Variants in GRIP2 observed in about 807,000 individuals in gnomAD.
GRIP2 encodes glutamate receptor interacting protein 2.
In GRIP2, 58 loss-of-function variants were observed where a neutral mutation model predicts 108.3. The observed-to-expected ratio is 0.54, with a 90% CI of 0.43 to 0.67. The LOEUF is 0.67. GRIP2 is among the 30% of genes least tolerant of loss of function. The pLI, the probability that GRIP2 is intolerant of heterozygous loss-of-function variation, is 0.00. For missense variants in GRIP2, 1,278 were observed against 1,430.6 expected (o/e 0.89, Z 1.72); for synonymous variants, 586 against 598.2 (o/e 0.98, Z 0.30).
At chr3:14,571,816 T>C in the GRIP2 span, among the ~76,000 whole-genome samples, 6 of 152,120 alleles carry the variant, frequency 3.9e-5, no homozygotes, top group African/African-American at 7.2e-5. Context: ...CCAGGTGGTG[T>C]TGATACACAG....
At chr3:14,534,763 CCTT>C (rs1339390550) in intron 1 of GRIP2, among the ~76,000 whole-genome samples, 1 of 152,170 alleles carries the variant, frequency 6.6e-6, no homozygotes, top group East Asian at 1.9e-4. Context: ...GGGTGGGTGG[CCTT>C]CTTTTTTATT....
chr3:14,490,438 GC>G lies in GRIP2; in HGVS notation c.*3226del, dbSNP rs1701309553. 1 of 152,782 alleles carries G rather than the reference GC, an allele frequency of 6.5e-6. No individual in the cohort carries two copies. The highest frequency in any genetic ancestry group is 1.5e-5 in the Non-Finnish European group (1 of 68,504). 9.5% of individuals were successfully genotyped at this position (152,782 alleles called of 1,614,324 possible). ...ACTGTGGCCTCCCCAGTGGGGCCTG[GC>G]CCTGGCCTCTGGGTCCCAGACCCTG... On this transcript the variant is annotated 3_prime_UTR_variant, in exon 24 of 24. Transcript: ENST00000621039.
chr3:14,563,148 C>A, the GRIP2 span, among the ~76,000 whole-genome samples: 1 of 152,050 alleles, frequency 6.6e-6, no homozygotes, highest in Admixed American at 6.5e-5. Flanking sequence ...TTGGAGACAA[C>A]CAGGGAAAAT....
At position 14,496,541 on chromosome 3, in the gene GRIP2, G is replaced by C. The variant is rs572582984; in HGVS notation, c.2699C>G (p.Thr900Ser). The C allele has an allele frequency of 4.0e-4, 641 of 1,605,668 alleles. 7 individuals are homozygous for C. In the South Asian group the frequency reaches 6.8e-3, roughly 17 times the overall value. The change falls in exon 22 of 24, where the codon ACC becomes AGC. Residue 900 changes from threonine (T) to serine (S), a missense_variant. Coordinates refer to ENST00000621039, the MANE Select transcript of GRIP2 (RefSeq NM_001080423.4). Reference protein sequence around the residue: ...RELEASIMTGTVQRVALEGRP... With the variant: ...RELEASIMTGSVQRVALEGRP... ...GCCCTCGAGGGCCACCCTCTGCACG[G>C]TGCCCGTCATGATGGATGCCTGCAA... is the stretch of plus-strand genomic sequence containing the variant.
Position 14,492,093 on chromosome 3 carries a change from C to G in GRIP2, c.*1572G>C, listed in dbSNP as rs1324295212. On this transcript the variant is annotated 3_prime_UTR_variant, in exon 24 of 24. Coordinates refer to ENST00000621039, the MANE Select transcript of GRIP2 (RefSeq NM_001080423.4). Reference sequence around the variant, plus strand: ...CCTTGGTGGGTCGGCAGAGATGGTTCCGGCCCTGACCAGGAGGCCTGTGTC... The same window carrying G: ...CCTTGGTGGGTCGGCAGAGATGGTTGCGGCCCTGACCAGGAGGCCTGTGTC... 3 of 152,316 alleles carry G rather than the reference C, an allele frequency of 2.0e-5. No homozygotes were observed. The highest frequency in any genetic ancestry group is 4.4e-5 in the Non-Finnish European group (3 of 68,128). 9.4% of individuals were successfully genotyped at this position (152,316 alleles called of 1,614,324 possible). A position where few individuals can be genotyped will look rare whatever the true frequency, so the allele number is the denominator to read the frequency against.
upstream of GRIP2, chr3:14,542,077 C>A: frequency 1.5e-6 from 2 of 1,347,290 alleles, no homozygotes; most frequent in Non-Finnish European, 2.0e-6. Context: ...GGAGGACAGG[C>A]GCATGGCACC....
chr3:14,549,392 C>A (rs1695107658), intron 1 of GRIP2, among the ~76,000 whole-genome samples: 1 of 152,218 alleles, frequency 6.6e-6, no homozygotes, highest in African/African-American at 2.4e-5. Flanking sequence ...TATGGCTCCC[C>A]CTAGTCCCAC....
At chr3:14,542,201 G>T, upstream of GRIP2, 1 of 553,586 alleles carries the variant, frequency 1.8e-6, no homozygotes, top group Non-Finnish European at 2.8e-6. Flanking sequence ...TGTCACCTGG[G>T]CTGGAGTGCA....
At chr3:14,548,351 G>A (rs577125728) in intron 1 of GRIP2, among the ~76,000 whole-genome samples, 33 of 152,234 alleles carry the variant, frequency 2.2e-4, no homozygotes, top group African/African-American at 6.3e-4. Flanking sequence ...CAGGCTCTCC[G>A]GAGGCCCCTC....
At chr3:14,542,638 T>C (rs921063499), upstream of GRIP2, among the ~76,000 whole-genome samples, 10 of 152,196 alleles carry the variant, frequency 6.6e-5, no homozygotes, top group African/African-American at 2.4e-4. Flanking sequence ...ATGCCGTGGA[T>C]TATGGGAGAG....
the GRIP2 span, among the ~76,000 whole-genome samples, chr3:14,567,610 C>A: frequency 2.0e-5 from 3 of 152,310 alleles, no homozygotes; most frequent in East Asian, 5.8e-4. Context: ...CAAGGATTTT[C>A]ATGAGGCCCT....
chr3:14,547,963 T>C (rs76999295), intron 1 of GRIP2, among the ~76,000 whole-genome samples: 4,162 of 152,104 alleles, frequency 0.027, 138 homozygotes, highest in East Asian at 0.15. Flanking sequence ...CAGTATCTCT[T>C]ATAAAAGGGA....
rs747879441 is a variant in GRIP2 at position 14,496,503 on chromosome 3, G to T, written c.2737C>A (p.Arg913=). The change falls in exon 22 of 24, where the codon CGG becomes AGG. Residue 913 remains arginine, a synonymous_variant. Transcript: ENST00000621039. ...ACCTCCCGGCCCCTCTGCCAAGGCC[G>T]GTGGCCAGGCCTGCCCTCGAGGGCC... The part of the protein sequence containing the change: ...RVALEGRPGH[R]PWQRGREVRA... 11 of 1,612,384 alleles carry T rather than the reference G, an allele frequency of 6.8e-6. No individual in the cohort carries two copies. The highest frequency in any genetic ancestry group is 9.3e-6 in the Non-Finnish European group (11 of 1,179,386).
rs529218721 is a variant in GRIP2 at position 14,492,101 on chromosome 3, G to C, written c.*1564C>G. On this transcript the variant is annotated 3_prime_UTR_variant, in exon 24 of 24. Transcript: ENST00000621039. ...GGTCGGCAGAGATGGTTCCGGCCCT[G>C]ACCAGGAGGCCTGTGTCTGCTCAGA... The C allele has an allele frequency of 6.6e-6, 1 of 152,470 alleles. No homozygotes were observed. Among genetic ancestry groups the C allele is most frequent in the Non-Finnish European group, 1.5e-5 (1 of 68,142 alleles). 9.4% of individuals were successfully genotyped at this position (152,470 alleles called of 1,614,324 possible). A position where few individuals can be genotyped will look rare whatever the true frequency, so the allele number is the denominator to read the frequency against.
At position 14,525,586 on chromosome 3, in the gene GRIP2, G is replaced by A. The variant is rs1005096104; in HGVS notation, c.122-14C>T. ...CTCGGAACTCCTCTGCCAACAGATG[G>A]GGATGGGGGCTTGAGCGGGCAGCTG... is the stretch of plus-strand genomic sequence containing the variant. On this transcript the variant is annotated splice_polypyrimidine_tract_variant and intron_variant, in intron 2 of 23. Coordinates refer to ENST00000621039, the MANE Select transcript of GRIP2 (RefSeq NM_001080423.4). The A allele has an allele frequency of 3.1e-6, 5 of 1,613,504 alleles. No homozygotes were observed. Among genetic ancestry groups the A allele is most frequent in the Non-Finnish European group, 3.4e-6 (4 of 1,179,844 alleles).
At chr3:14,554,162 G>T (rs1316638196) in intron 1 of GRIP2, among the ~76,000 whole-genome samples, 1 of 152,096 alleles carries the variant, frequency 6.6e-6, no homozygotes, top group Non-Finnish European at 1.5e-5. Flanking sequence ...GTTTTTCTTG[G>T]GCTCACTTCA....
chr3:14,506,406 G>A (rs1255182860), intron 19 of GRIP2, among the ~76,000 whole-genome samples: 1 of 152,226 alleles, frequency 6.6e-6, no homozygotes, highest in Non-Finnish European at 1.5e-5. Context: ...GTAGGCTGGG[G>A]TGGGAGGGGG....
chr3:14,553,991 G>A (rs1295974670), intron 1 of GRIP2, among the ~76,000 whole-genome samples: 1 of 152,118 alleles, frequency 6.6e-6, no homozygotes, highest in African/African-American at 2.4e-5. Flanking sequence ...TCTATTAAGA[G>A]CTATGCTGGC....
At chr3:14,503,698 A>G (rs369718277) in intron 20 of GRIP2, 27 bp from the exon 21 acceptor site, 169 of 837,530 alleles carry the variant, frequency 2.0e-4, no homozygotes, top group Middle Eastern at 5.4e-4. Flanking sequence ...AGAGAGCGTC[A>G]ACTCCTGGCA....
Sources: allele counts gnomAD v4.1 joint callset (sites outside exome capture counted in the v4.1 genomes callset), GRCh38; gene constraint gnomAD v4.1.1; transcripts MANE v1.5; gene names NCBI Gene and HGNC (gene_info 2026-07-23, HGNC 2026-07-21).